ZNF521: variants seen among roughly 807,000 people sequenced by gnomAD.
The protein encoded by ZNF521 is zinc finger protein 521, also known as LYST-interacting protein 3.
In ZNF521, 14 loss-of-function variants were observed where a neutral mutation model predicts 105.5. The observed-to-expected ratio is 0.13, with a 90% CI of 0.09 to 0.21. ZNF521 has a LOEUF of 0.21. Among genes scored for constraint, ZNF521 ranks in the 10% least tolerant of loss-of-function variants. The pLI is 1.00. For missense variants in ZNF521, 1,233 were observed against 1,629.7 expected (o/e 0.76, Z 4.19); for synonymous variants, 635 against 606.0 (o/e 1.05, Z -0.70).
chr18:25,081,305 G>A (rs2033490236), intron 7 of ZNF521, among the ~76,000 whole-genome samples: 1 of 152,170 alleles, frequency 6.6e-6, no homozygotes, highest in Admixed American at 6.5e-5. Flanking sequence ...GTTGGAGGAG[G>A]GAGCGAGTCC....
At chr18:25,325,360 G>A (rs1224921424) in intron 2 of ZNF521, among the ~76,000 whole-genome samples, 1 of 152,040 alleles carries the variant, frequency 6.6e-6, no homozygotes, top group Non-Finnish European at 1.5e-5. Flanking sequence ...TTTTTATAAA[G>A]TCCTTTGAGA....
At chr18:25,104,559 T>C (rs2034033045) in intron 5 of ZNF521, among the ~76,000 whole-genome samples, 1 of 152,214 alleles carries the variant, frequency 6.6e-6, no homozygotes. Flanking sequence ...AGGGATGACC[T>C]GGCCTCTTGC....
rs2034076758 is a variant in ZNF521, at chr18:25,106,516, T to C, written c.3659-14435A>G. ...AGCATTTTTCTTTCCTAAATCACAA[T>C]AGCAGCACATTACAAACATTACCAA... is the stretch of plus-strand genomic sequence containing the variant. On this transcript the variant is annotated intron_variant, in intron 5 of 7. Coordinates refer to ENST00000361524, the MANE Select transcript of ZNF521 (RefSeq NM_015461.3). Among the ~76,000 whole-genome samples the C allele has an allele frequency of 2.0e-5, 3 of 152,254 alleles. No homozygotes were observed. In the South Asian group the frequency reaches 6.2e-4, roughly 32 times the overall value.
chr18:25,272,228 G>A (rs1485909956), intron 3 of ZNF521, among the ~76,000 whole-genome samples: 1 of 152,186 alleles, frequency 6.6e-6, no homozygotes, highest in Non-Finnish European at 1.5e-5. Context: ...TCTCATGCCA[G>A]TTAGAATGGT....
At chr18:25,065,050 G>A (rs2033018004) in intron 7 of ZNF521, among the ~76,000 whole-genome samples, 1 of 152,082 alleles carries the variant, frequency 6.6e-6, no homozygotes, top group African/African-American at 2.4e-5. Flanking sequence ...GCTATTTTCT[G>A]AAAAATCAAC....
At chr18:25,073,293 A>G (rs1173832299) in intron 7 of ZNF521, among the ~76,000 whole-genome samples, 1 of 151,744 alleles carries the variant, frequency 6.6e-6, no homozygotes, top group East Asian at 1.9e-4. Context: ...CAAAATTCCA[A>G]CTCCTCCCTT....
chr18:25,338,259 TTGTGTGTGTGTGTG>T (rs34813730), intron 2 of ZNF521, among the ~76,000 whole-genome samples: 1 of 136,510 alleles, frequency 7.3e-6, no homozygotes, highest in African/African-American at 2.7e-5. Context: ...TCATAGACTT[TTGTGTGTGTGTGTG>T]TGTGTGTGTG....
At chr18:25,314,066 G>T (rs1912471936) in intron 3 of ZNF521, among the ~76,000 whole-genome samples, 2 of 151,830 alleles carry the variant, frequency 1.3e-5, no homozygotes, top group Admixed American at 6.6e-5. Context: ...AATTAATATA[G>T]AAATTAATAT....
At chr18:25,301,595 G>C (rs1423126120) in intron 3 of ZNF521, among the ~76,000 whole-genome samples, 1 of 152,194 alleles carries the variant, frequency 6.6e-6, no homozygotes, top group African/African-American at 2.4e-5. Context: ...CTGTCCTCAT[G>C]ACCTGTCCAT....
At chr18:25,242,779 G>A (rs1397272032) in intron 3 of ZNF521, among the ~76,000 whole-genome samples, 1 of 152,102 alleles carries the variant, frequency 6.6e-6, no homozygotes, top group Non-Finnish European at 1.5e-5. Context: ...GAGTGGGAGA[G>A]GACAAACTGA....
intron 3 of ZNF521, among the ~76,000 whole-genome samples, chr18:25,231,717 G>A (rs532683961): frequency 2.6e-5 from 4 of 152,258 alleles, no homozygotes; most frequent in Admixed American, 6.5e-5. Context: ...AAGAGAATAT[G>A]TGCAGAAGGG....
chr18:25,171,379 T>C (rs1366498641), intron 5 of ZNF521, among the ~76,000 whole-genome samples: 1 of 152,172 alleles, frequency 6.6e-6, no homozygotes, highest in Non-Finnish European at 1.5e-5. Context: ...GTACACTTTA[T>C]AATGCATGTG....
chr18:25,128,798 T>G (rs1353916622), intron 5 of ZNF521, among the ~76,000 whole-genome samples: 1 of 151,982 alleles, frequency 6.6e-6, no homozygotes, highest in African/African-American at 2.4e-5. Context: ...GCAAGAGATT[T>G]AAAAAGATCA....
Position 25,227,838 on chromosome 18 carries a change from A to G in ZNF521, c.221-141T>C. ...ACAAAATGAAAAGAGAGAATATTTG[A>G]GTGAGACATTTTCAAATCTGAGCCC... On this transcript the variant is annotated intron_variant, in intron 3 of 7. Transcript: ENST00000361524. This position sits in a 1 kb window ranked among gnomAD's most constrained non-coding sequence, Gnocchi z 5.7. The G allele has an allele frequency of 1.4e-6, 1 of 706,266 alleles. No homozygotes were observed. The highest frequency in any genetic ancestry group is 2.3e-6 in the Non-Finnish European group (1 of 436,268). The allele number at this position is 706,266 out of a possible 1,614,324, so 43.7% of individuals were successfully genotyped here.
At chr18:25,264,561 A>T in intron 3 of ZNF521, among the ~76,000 whole-genome samples, 1 of 152,192 alleles carries the variant, frequency 6.6e-6, no homozygotes, top group East Asian at 1.9e-4. Context: ...TAAGATCAAT[A>T]TTTCTACCAA....
chr18:25,208,979 A>G (rs2036130068), intron 4 of ZNF521, among the ~76,000 whole-genome samples: 1 of 152,192 alleles, frequency 6.6e-6, no homozygotes, highest in Admixed American at 6.5e-5. Flanking sequence ...TTCGAAGATA[A>G]TCCTTAGATC....
intron 2 of ZNF521, among the ~76,000 whole-genome samples, chr18:25,332,715 T>C (rs952608518): frequency 3.9e-5 from 6 of 152,218 alleles, no homozygotes; most frequent in Non-Finnish European, 7.3e-5. Context: ...ATGAGTCTAA[T>C]GTTTTTCTTT....
intron 3 of ZNF521, among the ~76,000 whole-genome samples, chr18:25,240,344 G>A (rs941576051): frequency 2.6e-5 from 4 of 152,214 alleles, no homozygotes; most frequent in Non-Finnish European, 2.9e-5. Context: ...CTCACAGGAA[G>A]TGGTAGCTTC....
At chr18:25,199,495 T>G (rs918061625) in intron 4 of ZNF521, among the ~76,000 whole-genome samples, 1 of 151,940 alleles carries the variant, frequency 6.6e-6, no homozygotes, top group African/African-American at 2.4e-5. Flanking sequence ...GATGTGATAA[T>G]GGTATTGGGG....
Sources: gnomAD v4.1 joint callset for allele counts (sites outside exome capture counted in the v4.1 genomes callset) on GRCh38, gnomAD v4.1.1 for gene constraint, Gnocchi (gnomAD v3.1) non-coding constraint, MANE v1.5 for transcripts, NCBI Gene and HGNC (gene_info 2026-07-23, HGNC 2026-07-21) for gene names.